The following PTPN14 variants were observed in gnomAD, a reference collection of about 807,000 sequenced individuals.
PTPN14 encodes protein tyrosine phosphatase non-receptor type 14, also known as tyrosine-protein phosphatase non-receptor type 14.
In PTPN14, 53 loss-of-function variants were observed where a neutral mutation model predicts 126.8. The observed-to-expected ratio is 0.42, with a 90% CI of 0.34 to 0.53. The LOEUF (loss-of-function observed/expected upper bound fraction) is 0.53. Ranked by LOEUF, PTPN14 falls within the 20% of genes least tolerant of loss-of-function variation. The pLI, the probability that PTPN14 is intolerant of heterozygous loss-of-function variation, is 0.08. For missense variants in PTPN14, 1,257 were observed against 1,552.9 expected (o/e 0.81, Z 3.20); for synonymous variants, 630 against 599.3 (o/e 1.05, Z -0.75).
rs374058238 is a variant in PTPN14, at chr1:214,506,522, AAAAT to A, written c.-154-41569_-154-41566del. Reference sequence around the variant, plus strand: ...ATAGAGATCCTGTGTCTAAAAGAAGAAAATAAATAAATAAATAAATATAAAAACT... The same window carrying A: ...ATAGAGATCCTGTGTCTAAAAGAAGAAAATAAATAAATAAATATAAAAACT... On this transcript the variant is annotated intron_variant, in intron 1 of 18. Coordinates refer to ENST00000366956, the MANE Select transcript of PTPN14 (RefSeq NM_005401.5). Among the ~76,000 whole-genome samples, 11 of 150,802 alleles carry A rather than the reference AAAAT, an allele frequency of 7.3e-5. No homozygotes were observed. In the East Asian group the frequency reaches 1.2e-3, roughly 16 times the overall value.
intron 17 of PTPN14, among the ~76,000 whole-genome samples, chr1:214,368,717 TCA>T (rs1346244100): frequency 6.6e-6 from 1 of 151,866 alleles, no homozygotes. Context: ...GCACAGTGGC[TCA>T]CACCTGTAAT....
intron 1 of PTPN14, chr1:214,528,197 T>C (rs186930865): frequency 1.3e-5 from 2 of 152,360 alleles, no homozygotes; most frequent in East Asian, 3.8e-4. Context: ...GTATATGTTA[T>C]TTTATTTCAT....
chr1:214,503,880 G>A (rs1269223018), intron 1 of PTPN14, among the ~76,000 whole-genome samples: 1 of 152,226 alleles, frequency 6.6e-6, no homozygotes, highest in Non-Finnish European at 1.5e-5. Context: ...TCAAAGGTGA[G>A]TCTCTGAGCT....
intron 1 of PTPN14, chr1:214,482,922 C>A: frequency 6.3e-7 from 1 of 1,599,184 alleles, no homozygotes. Context: ...GGCTGGAGCT[C>A]CCACTAAGCC....
At chr1:214,533,440 A>C (rs1473014352) in intron 1 of PTPN14, 3 of 423,726 alleles carry the variant, frequency 7.1e-6, no homozygotes, top group South Asian at 2.0e-5. Context: ...GTGGTGTCTC[A>C]GTCCAACGAC....
intron 7 of PTPN14, 24 bp downstream of exon 7, chr1:214,401,661 C>G: frequency 4.0e-6 from 6 of 1,508,178 alleles, no homozygotes; most frequent in Non-Finnish European, 5.5e-6. Context: ...AAGGTTAAAG[C>G]CAGCACAGGG....
At chr1:214,532,718 A>C in intron 1 of PTPN14, 1 of 790,474 alleles carries the variant, frequency 1.3e-6, no homozygotes, top group Admixed American at 1.7e-5. Context: ...GTCTGTGGAG[A>C]GCAGCATTAC....
intron 2 of PTPN14, among the ~76,000 whole-genome samples, chr1:214,457,005 A>T (rs1042565949): frequency 3.3e-5 from 5 of 152,210 alleles, no homozygotes; most frequent in African/African-American, 1.2e-4. Flanking sequence ...CCAGGGCATG[A>T]GGTGTTGCAT....
chr1:214,362,887 G>T (rs1280907730), intron 18 of PTPN14, among the ~76,000 whole-genome samples: 2 of 152,196 alleles, frequency 1.3e-5, no homozygotes, highest in Non-Finnish European at 2.9e-5. Context: ...GGTGACAAAA[G>T]TGATATGAAG....
At chr1:214,454,630 A>G (rs960170392) in intron 2 of PTPN14, among the ~76,000 whole-genome samples, 4 of 152,222 alleles carry the variant, frequency 2.6e-5, no homozygotes, top group African/African-American at 7.2e-5. Flanking sequence ...ATGATGAGGT[A>G]CAAGAGAAAT....
intron 3 of PTPN14, among the ~76,000 whole-genome samples, chr1:214,434,872 T>A (rs780711039): frequency 5.3e-5 from 8 of 152,190 alleles, no homozygotes; most frequent in Admixed American, 1.3e-4. Flanking sequence ...TGGACTTCTT[T>A]GCCCTGGTCA....
At chr1:214,538,393 T>C (rs77333458) in intron 1 of PTPN14, among the ~76,000 whole-genome samples, 3,425 of 152,258 alleles carry the variant, frequency 0.022, 63 homozygotes, top group Non-Finnish European at 0.033. Flanking sequence ...AAACTATAGA[T>C]AAAAATAACA....
At chr1:214,444,732 C>T (rs1349517706) in intron 3 of PTPN14, among the ~76,000 whole-genome samples, 1 of 152,166 alleles carries the variant, frequency 6.6e-6, no homozygotes, top group Non-Finnish European at 1.5e-5. Flanking sequence ...CACATGCACA[C>T]ACACAGAGAG....
chr1:214,415,377 C>T (rs1264487727), intron 3 of PTPN14, among the ~76,000 whole-genome samples: 1 of 152,190 alleles, frequency 6.6e-6, no homozygotes, highest in Admixed American at 6.5e-5. Context: ...GTTTCCCTAC[C>T]AATAAAATAG....
chr1:214,406,679 C>T (rs1659179522), intron 5 of PTPN14, among the ~76,000 whole-genome samples: 1 of 152,120 alleles, frequency 6.6e-6, no homozygotes, highest in Admixed American at 6.5e-5. Context: ...GAAGTTTATG[C>T]TGTTTACATA....
intron 1 of PTPN14, among the ~76,000 whole-genome samples, chr1:214,521,656 A>G (rs1228233802): frequency 6.6e-6 from 1 of 152,034 alleles, no homozygotes; most frequent in Non-Finnish European, 1.5e-5. Flanking sequence ...CGGAGGTTGC[A>G]GTGAGCCGAG....
chr1:214,408,338 G>T lies in PTPN14; in HGVS notation c.510+3346C>A, dbSNP rs145136665. On this transcript the variant is annotated intron_variant, in intron 5 of 18. Transcript: ENST00000366956. Reference sequence around the variant, plus strand: ...GAAACCAGAGCCAGAATGTTGATTGGTTAGAGCTGTTCCCTAAAATGGCTT... The same window carrying T: ...GAAACCAGAGCCAGAATGTTGATTGTTTAGAGCTGTTCCCTAAAATGGCTT... Among the ~76,000 whole-genome samples, 3 of 152,256 alleles carry T rather than the reference G, an allele frequency of 2.0e-5. No homozygotes were observed. In the East Asian group the frequency reaches 5.8e-4, roughly 29 times the overall value.
At chr1:214,403,875 T>C (rs1164823437) in intron 5 of PTPN14, among the ~76,000 whole-genome samples, 1 of 152,186 alleles carries the variant, frequency 6.6e-6, no homozygotes, top group Non-Finnish European at 1.5e-5. Context: ...AGGTCCCACA[T>C]ATTCCAGGCT....
intron 1 of PTPN14, chr1:214,483,347 G>A (rs61742725): frequency 0.038 from 59,074 of 1,546,436 alleles, 19 homozygotes; most frequent in South Asian, 0.089. Flanking sequence ...GGAGAGCCGC[G>A]GCTTCCCGTG....
Sources: gnomAD v4.1 joint callset for allele counts (sites outside exome capture counted in the v4.1 genomes callset) on GRCh38, gnomAD v4.1.1 for gene constraint, MANE v1.5 for transcripts, NCBI Gene and HGNC (gene_info 2026-07-23, HGNC 2026-07-21) for gene names.